PHC2: variants seen among roughly 807,000 people sequenced by gnomAD.
The protein encoded by PHC2 is polyhomeotic homolog 2.
Under a neutral mutation model 87.4 loss-of-function variants are expected in PHC2, and 29 were observed. The observed-to-expected ratio is 0.33, with a 90% CI of 0.25 to 0.45. The LOEUF (loss-of-function observed/expected upper bound fraction) is 0.45. Among genes scored for constraint, PHC2 ranks in the 20% least tolerant of loss-of-function variants. The pLI is 1.00. For synonymous variants in PHC2, 438 were observed against 461.7 expected (o/e 0.95, Z 0.66); for missense variants, 857 against 1,136.7 (o/e 0.75, Z 3.54).
chr1:33,341,038 AGAGGT>A (rs1446801136), intron 9 of PHC2, among the ~76,000 whole-genome samples: 1 of 152,282 alleles, frequency 6.6e-6, no homozygotes, highest in South Asian at 2.1e-4. Flanking sequence ...ACTTGGCCTC[AGAGGT>A]GAGGTGATTT....
intron 1 of PHC2, among the ~76,000 whole-genome samples, chr1:33,389,059 T>TAA (rs72505785): frequency 0.11 from 15,503 of 137,686 alleles, 1,031 homozygotes; most frequent in East Asian, 0.29. Context: ...ATGTTCTTGT[T>TAA]AAAAAAAAAA....
chr1:33,361,869 G>A (rs978789798), intron 7 of PHC2, among the ~76,000 whole-genome samples: 1 of 152,172 alleles, frequency 6.6e-6, no homozygotes, highest in African/African-American at 2.4e-5. Flanking sequence ...TCTCTGTGCC[G>A]GTCACTTGCA....
At chr1:33,353,467 G>T (rs1647011392) in intron 9 of PHC2, 1 of 152,212 alleles carries the variant, frequency 6.6e-6, no homozygotes, top group African/African-American at 2.4e-5. Flanking sequence ...GAGAAGAGAT[G>T]ACCTCCTTCC....
chr1:33,394,019 C>T (rs2148366230), intron 1 of PHC2, among the ~76,000 whole-genome samples: 1 of 152,286 alleles, frequency 6.6e-6, no homozygotes, highest in Non-Finnish European at 1.5e-5. Flanking sequence ...TAAGGAATCT[C>T]ATGTATCCTG....
At chr1:33,362,246 C>T (rs988428794) in intron 7 of PHC2, among the ~76,000 whole-genome samples, 1 of 152,174 alleles carries the variant, frequency 6.6e-6, no homozygotes, top group African/African-American at 2.4e-5. Context: ...ATTAGATGCT[C>T]AGTAAATGGT....
intron 9 of PHC2, among the ~76,000 whole-genome samples, chr1:33,335,993 GTTGTTTTT>G (rs1276740799): frequency 6.7e-4 from 76 of 113,242 alleles, no homozygotes; most frequent in Non-Finnish European, 2.5e-4. Context: ...TGTTGTTGTT[GTTGTTTTT>G]TTTTTTAGAT....
chr1:33,419,912 T>C (rs1650365925), intron 1 of PHC2, among the ~76,000 whole-genome samples: 1 of 150,204 alleles, frequency 6.7e-6, no homozygotes, highest in South Asian at 2.1e-4. Flanking sequence ...CCCGGCCACC[T>C]CTCTCTTATA....
chr1:33,325,798 G>A, intron 14 of PHC2: 1 of 437,028 alleles, frequency 2.3e-6, no homozygotes, highest in Non-Finnish European at 4.6e-6. Flanking sequence ...CTGGTACCTG[G>A]AAAAGGAGTG....
intron 1 of PHC2, among the ~76,000 whole-genome samples, chr1:33,419,583 C>A (rs1339921171): frequency 6.6e-6 from 1 of 151,300 alleles, no homozygotes; most frequent in Non-Finnish European, 1.5e-5. Context: ...TTGTCTCCAC[C>A]TTGTCTGTGT....
intron 1 of PHC2, among the ~76,000 whole-genome samples, chr1:33,425,026 G>A (rs1267261357): frequency 1.3e-5 from 2 of 152,120 alleles, no homozygotes; most frequent in Admixed American, 1.3e-4. Context: ...CATGGTGTCG[G>A]GAAAAGAGCA....
intron 1 of PHC2, among the ~76,000 whole-genome samples, chr1:33,396,678 C>T (rs1016905): frequency 0.039 from 6,009 of 152,290 alleles, 211 homozygotes; most frequent in East Asian, 0.18. Flanking sequence ...AATCTAAGTG[C>T]TGTTCACAGC....
chr1:33,401,893 A>G (rs1290692567), intron 1 of PHC2, among the ~76,000 whole-genome samples: 1 of 152,242 alleles, frequency 6.6e-6, no homozygotes, highest in African/African-American at 2.4e-5. Context: ...AGACAAAAAT[A>G]CAAGATTTTT....
chr1:33,388,957 A>G (rs1174546393), intron 1 of PHC2, among the ~76,000 whole-genome samples: 1 of 151,992 alleles, frequency 6.6e-6, no homozygotes, highest in Non-Finnish European at 1.5e-5. Flanking sequence ...GTGGGTTTTT[A>G]ATCCCTTACA....
intron 1 of PHC2, among the ~76,000 whole-genome samples, chr1:33,397,567 C>T (rs1186987278): frequency 2.0e-5 from 3 of 152,134 alleles, no homozygotes; most frequent in Non-Finnish European, 4.4e-5. Flanking sequence ...GATGAGGCCT[C>T]GGTCTCCTGA....
intron 2 of PHC2, among the ~76,000 whole-genome samples, chr1:33,374,755 C>T (rs1648063998): frequency 6.6e-6 from 1 of 152,114 alleles, no homozygotes; most frequent in Non-Finnish European, 1.5e-5. Context: ...TTGTCTTTAC[C>T]TGAATGACCT....
rs78405506 is a variant in PHC2 at position 33,402,313 on chromosome 1, T to C, written c.-54-26720A>G. Among the ~76,000 whole-genome samples, 116 of 152,314 alleles carry C rather than the reference T, an allele frequency of 7.6e-4. 1 individual carries two copies. The East Asian group carries it at 0.019, about 25-fold the overall frequency. On this transcript the variant is annotated intron_variant, in intron 1 of 14. Transcript: ENST00000683057. ...AAACACTGGGGAGGATACAGAGCAATGGTTATGTTCACATGGAATGGGTAG... is the reference window on the plus strand; with the variant it reads ...AAACACTGGGGAGGATACAGAGCAACGGTTATGTTCACATGGAATGGGTAG...
chr1:33,392,571 T>A (rs182303582), intron 1 of PHC2: 1 of 152,230 alleles, frequency 6.6e-6, no homozygotes, highest in Non-Finnish European at 1.5e-5. Context: ...TTATAGCTCC[T>A]GTTCCTGCTG....
intron 6 of PHC2, among the ~76,000 whole-genome samples, chr1:33,367,708 G>GT (rs1647561795): frequency 6.6e-6 from 1 of 152,150 alleles, no homozygotes; most frequent in Admixed American, 6.5e-5. Context: ...GGGGAGGCCA[G>GT]GCTCTGTCCC....
chr1:33,430,636 C>G (rs963710613), intron 1 of PHC2, among the ~76,000 whole-genome samples: 4 of 152,024 alleles, frequency 2.6e-5, no homozygotes, highest in African/African-American at 9.7e-5. Context: ...GTTCCCGTTC[C>G]GGTTCCCGTT....
Sources: allele counts gnomAD v4.1 joint callset (sites outside exome capture counted in the v4.1 genomes callset), GRCh38; gene constraint gnomAD v4.1.1; transcripts MANE v1.5; gene names NCBI Gene and HGNC (gene_info 2026-07-23, HGNC 2026-07-21).